The following CTNNA1 variants were observed in gnomAD, a reference collection of about 807,000 sequenced individuals.
CTNNA1 encodes catenin alpha 1.
In CTNNA1, 37 loss-of-function variants were observed where a neutral mutation model predicts 98.4. The ratio of observed to expected loss-of-function variants is 0.38; its 90% CI spans 0.29 to 0.49. The LOEUF (loss-of-function observed/expected upper bound fraction) is 0.49. Among genes scored for constraint, CTNNA1 ranks in the 20% least tolerant of loss-of-function variants. The probability of loss-of-function intolerance (pLI) is 0.95; values close to 1 mark genes in which losing one functional copy is unlikely to be tolerated. For synonymous variants in CTNNA1, 404 were observed against 413.2 expected, an observed-to-expected ratio of 0.98 and a Z score of 0.27; for missense variants, 761 against 1,147.2, an observed-to-expected ratio of 0.66 and a Z score of 4.86.
intron 13 of CTNNA1, 81 bp from the exon 14 acceptor site, chr5:138,929,165 C>T: frequency 1.2e-6 from 1 of 803,402 alleles, no homozygotes; most frequent in Non-Finnish European, 2.3e-6. Context: ...GGCCTCCGTG[C>T]ACCTGGCCAA....
At chr5:138,797,896 T>A (rs825752) in intron 3 of CTNNA1, among the ~76,000 whole-genome samples, 6 of 69,254 alleles carry the variant, frequency 8.7e-5, no homozygotes, top group Admixed American at 3.0e-4. Flanking sequence ...AAAAAAAAAA[T>A]TTAAAAAAAG....
rs1750837023 is a variant in CTNNA1 at position 138,873,084 on chromosome 5, C to T, written c.1063-13128C>T. 6 of 1,613,872 alleles carry T rather than the reference C, an allele frequency of 3.7e-6. No homozygotes were observed. The highest frequency in any genetic ancestry group is 5.1e-6 in the Non-Finnish European group (6 of 1,179,854). ...TAACCATTAATGATGATGAAGGGTCCTTCATGGGTGGGTTCATATTCATTA... is the reference window on the plus strand; with the variant it reads ...TAACCATTAATGATGATGAAGGGTCTTTCATGGGTGGGTTCATATTCATTA... On this transcript the variant is annotated intron_variant, in intron 7 of 17. Transcript: ENST00000302763. This position sits in a 1 kb window ranked among gnomAD's most constrained non-coding sequence, Gnocchi z 6.1.
chr5:138,841,860 G>A (rs979022013), intron 7 of CTNNA1, among the ~76,000 whole-genome samples: 1 of 152,254 alleles, frequency 6.6e-6, no homozygotes, highest in Non-Finnish European at 1.5e-5. Context: ...GTGTGACATC[G>A]TATTTCAAGG....
intron 7 of CTNNA1, among the ~76,000 whole-genome samples, chr5:138,876,690 T>C (rs1751636605): frequency 2.0e-5 from 3 of 152,208 alleles, no homozygotes. Flanking sequence ...TCGTTGGCCT[T>C]TTTGGTTCTG....
chr5:138,879,171 T>A (rs1253296309), intron 7 of CTNNA1, among the ~76,000 whole-genome samples: 1 of 80,326 alleles, frequency 1.2e-5, no homozygotes, highest in African/African-American at 5.1e-5. Context: ...ACTCCGTCTT[T>A]AAAAAAAAAA....
intron 1 of CTNNA1, among the ~76,000 whole-genome samples, chr5:138,764,326 A>G (rs1056844242): frequency 3.9e-5 from 6 of 152,224 alleles, no homozygotes; most frequent in African/African-American, 7.2e-5. Context: ...AGATCGTGCC[A>G]TTGCACTCCA....
intron 7 of CTNNA1, among the ~76,000 whole-genome samples, chr5:138,852,871 G>GCGCGCACACACACGCGCGCGCGCA (rs869240008): frequency 2.0e-4 from 31 of 151,358 alleles, no homozygotes; most frequent in Admixed American, 1.1e-3. Flanking sequence ...GCGCGCGCGC[G>GCGCGCACACACACGCGCGCGCGCA]CACACACACA....
intron 5 of CTNNA1, among the ~76,000 whole-genome samples, chr5:138,823,955 T>TAAAAAAAA (rs1167775353): frequency 1.1e-4 from 1 of 9,034 alleles, no homozygotes; most frequent in Non-Finnish European, 2.0e-4. Context: ...AGACTCCGTC[T>TAAAAAAAA]CAAAAAAAAA....
intron 16 of CTNNA1, chr5:138,931,953 G>A: frequency 1.0e-6 from 1 of 985,420 alleles, no homozygotes; most frequent in South Asian, 4.7e-5. Context: ...TCCTAATCTG[G>A]GAGCCTCTAA....
At chr5:138,773,474 C>T (rs1283655225) in intron 1 of CTNNA1, among the ~76,000 whole-genome samples, 1 of 152,014 alleles carries the variant, frequency 6.6e-6, no homozygotes, top group Non-Finnish European at 1.5e-5. Flanking sequence ...TAGAACAGGG[C>T]AAGAAGTAAG....
intron 3 of CTNNA1, among the ~76,000 whole-genome samples, chr5:138,807,414 G>A (rs370312576): frequency 6.6e-6 from 1 of 151,914 alleles, no homozygotes; most frequent in East Asian, 1.9e-4. Context: ...TCATTTCAGA[G>A]TACCAAGCCT....
chr5:138,820,390 C>G (rs532849227), intron 5 of CTNNA1, among the ~76,000 whole-genome samples: 1 of 152,128 alleles, frequency 6.6e-6, no homozygotes, highest in South Asian at 2.1e-4. Context: ...GTCACAGTCT[C>G]GTCCCCTTCT....
chr5:138,771,274 C>G (rs1173148653), intron 1 of CTNNA1, among the ~76,000 whole-genome samples: 2 of 151,818 alleles, frequency 1.3e-5, no homozygotes, highest in Non-Finnish European at 2.9e-5. Flanking sequence ...TCTCCTGATG[C>G]TTGTAGCACA....
intron 11 of CTNNA1, among the ~76,000 whole-genome samples, chr5:138,919,393 A>G (rs146928320): frequency 8.7e-4 from 132 of 152,220 alleles, no homozygotes; most frequent in African/African-American, 3.1e-3. Context: ...GTCTCAAGGG[A>G]TTTTCAGTCC....
chr5:138,855,780 G>A (rs1581287463), intron 7 of CTNNA1, among the ~76,000 whole-genome samples: 2 of 152,350 alleles, frequency 1.3e-5, no homozygotes, highest in Admixed American at 1.3e-4. Flanking sequence ...AAAAATGGCA[G>A]TAGAATTTTA....
chr5:138,764,868 CT>C (rs35354499), intron 1 of CTNNA1, among the ~76,000 whole-genome samples: 2,764 of 84,672 alleles, frequency 0.033, 33 homozygotes, highest in African/African-American at 0.11. Context: ...GTATCTCTCT[CT>C]TTTTTTTTTT....
At chr5:138,753,596 CCGCGAGCCGCGGGCG>C (rs1751244346) in intron 1 of CTNNA1, 86 bp downstream of exon 1, 2 of 343,714 alleles carry the variant, frequency 5.8e-6, no homozygotes, top group African/African-American at 2.2e-5. Flanking sequence ...AAGCTGGGCC[CCGCGAGCCGCGGGCG>C]GGCGAGCGGG....
chr5:138,755,770 C>T (rs1751564797), intron 1 of CTNNA1, among the ~76,000 whole-genome samples: 1 of 151,478 alleles, frequency 6.6e-6, no homozygotes, highest in Non-Finnish European at 1.5e-5. Context: ...AAGTGGGACT[C>T]CTGTCTCTTC....
intron 13 of CTNNA1, among the ~76,000 whole-genome samples, chr5:138,925,720 G>A (rs547511207): frequency 4.8e-4 from 73 of 152,342 alleles, no homozygotes; most frequent in African/African-American, 1.7e-3. Context: ...TCTCAAGCTA[G>A]TATCAGAGAA....
Sources: allele counts gnomAD v4.1 joint callset (sites outside exome capture counted in the v4.1 genomes callset), GRCh38; gene constraint gnomAD v4.1.1; non-coding constraint Gnocchi (gnomAD v3.1); transcripts MANE v1.5; gene names NCBI Gene and HGNC (gene_info 2026-07-23, HGNC 2026-07-21).